Variants in SYDE2 observed in about 807,000 individuals in gnomAD.
SYDE2 encodes synapse defective Rho GTPase homolog 2.
In SYDE2, 76 loss-of-function variants were observed where a neutral mutation model predicts 91.5. The ratio of observed to expected loss-of-function variants is 0.83; its 90% CI spans 0.69 to 1.01. The LOEUF is 1.01. Ranked by LOEUF, SYDE2 falls within the 50% of genes least tolerant of loss-of-function variation. The pLI, the probability that SYDE2 is intolerant of heterozygous loss-of-function variation, is 0.00. For missense variants in SYDE2, 1,364 were observed against 1,367.7 expected, an observed-to-expected ratio of 1.00 and a Z score of 0.04; for synonymous variants, 513 against 506.4, an observed-to-expected ratio of 1.01 and a Z score of -0.18.
intron 1 of SYDE2, among the ~76,000 whole-genome samples, chr1:85,193,494 A>G (rs1658453156): frequency 6.6e-6 from 1 of 152,224 alleles, no homozygotes; most frequent in Non-Finnish European, 1.5e-5. Context: ...TACACTATAA[A>G]TGAGTCTTTG....
chr1:85,188,685 T>C (rs1362570760), intron 2 of SYDE2, among the ~76,000 whole-genome samples: 1 of 152,168 alleles, frequency 6.6e-6, no homozygotes, highest in Non-Finnish European at 1.5e-5. Flanking sequence ...AACTCAGAAT[T>C]ATTCTGCCCA....
chr1:85,183,143 G>A lies in SYDE2; in HGVS notation c.1499C>T (p.Ser500Phe). The A allele has an allele frequency of 6.2e-7, 1 of 1,606,234 alleles. No individual in the cohort carries two copies. The highest frequency in any genetic ancestry group is 8.5e-7 in the Non-Finnish European group (1 of 1,177,732). ...TTTTTTCACAGGGCTAGGATTTGGAGAAGATGGTTCCATAATTCCCAATTC... is the reference window on the plus strand; with the variant it reads ...TTTTTTCACAGGGCTAGGATTTGGAAAAGATGGTTCCATAATTCCCAATTC... ...STELGIMEPS[S>F]PNPSPVKKGS... Residue 500 changes from serine (S) to phenylalanine (F), a missense_variant, in exon 3 of 7, where the codon TCT (serine) becomes TTT (phenylalanine). Ser to Phe is a radical substitution (Grantham distance 155). Transcript: ENST00000341460.
rs78000272 is a variant in SYDE2 at position 85,200,435 on chromosome 1, C to T, written c.562G>A (p.Val188Ile). Reference protein sequence around the residue: ...PSFLRPPAVTVKKLQKWMYKG... With the variant: ...PSFLRPPAVTIKKLQKWMYKG... ...TACATCCACTTCTGCAGCTTCTTGA[C>T]TGTCACTGCCGGCGGCCTGAGGAAG... The change falls in exon 1 of 7, where the codon GTC (valine) becomes ATC (isoleucine). Residue 188 changes from valine (V) to isoleucine (I), a missense_variant. Transcript: ENST00000341460. The T allele has an allele frequency of 1.0e-3, 1,679 of 1,614,040 alleles. 35 individuals carry two copies. In the East Asian group the frequency reaches 0.034, roughly 33 times the overall value.
At position 85,182,781 on chromosome 1, in the gene SYDE2, G is replaced by C. The variant is rs780445913; in HGVS notation, c.1861C>G (p.Leu621Val). Reference sequence around the variant, plus strand: ...AGTTCAGGTGAGTCTCCATCACTAAGGTAACCACCTTTGCAGGAATACTTA... The same window carrying C: ...AGTTCAGGTGAGTCTCCATCACTAACGTAACCACCTTTGCAGGAATACTTA... ...SSKYSCKGGY[L>V]SDGDSPELTT... Residue 621 changes from leucine (L) to valine (V), a missense_variant, in exon 3 of 7, where the codon CTT becomes GTT. Physicochemically the swap from Leu to Val is conservative, Grantham distance 32. Coordinates refer to ENST00000341460, the MANE Select transcript of SYDE2 (RefSeq NM_032184.2). 4 of 1,613,884 alleles carry C rather than the reference G, an allele frequency of 2.5e-6. No homozygotes were observed. Among genetic ancestry groups the C allele is most frequent in the Non-Finnish European group, 2.5e-6 (3 of 1,179,852 alleles).
In SYDE2 at chr1:85,185,584, C is replaced by T. The variant is rs1251617167; in HGVS notation, c.1442-2384G>A. ...TGAGGCAATTGTGAATGGGAGTTCA[C>T]TCATGATTTGGCTGTTTGTCTGTTA... On this transcript the variant is annotated intron_variant, in intron 2 of 6. Transcript: ENST00000341460. Among the ~76,000 whole-genome samples the T allele has an allele frequency of 2.0e-5, 3 of 152,152 alleles. 1 individual carries two copies. Among genetic ancestry groups the T allele is most frequent in the Non-Finnish European group, 2.9e-5 (2 of 68,036 alleles).
chr1:85,197,011 A>G (rs1263840937), intron 1 of SYDE2, among the ~76,000 whole-genome samples: 1 of 152,334 alleles, frequency 6.6e-6, no homozygotes, highest in East Asian at 1.9e-4. Flanking sequence ...TATTTTTTAA[A>G]GCAATAAAAG....
Position 85,200,835 on chromosome 1 carries a change from G to T in SYDE2, c.162C>A (p.Arg54=), listed in dbSNP as rs1241826958. The T allele has an allele frequency of 1.0e-5, 14 of 1,396,456 alleles. No individual in the cohort carries two copies. The highest frequency in any genetic ancestry group is 3.1e-5 in the East Asian group (1 of 32,650). The allele number at this position is 1,396,456 out of a possible 1,614,324, so 86.5% of individuals were successfully genotyped here. Residue 54 remains arginine, a synonymous_variant, in exon 1 of 7, where the codon CGC becomes CGA. Transcript: ENST00000341460. The part of the protein sequence containing the change: ...PRDGERGGGG[R]PRQQVSPPRS... ...GGGGCGGGGACACCTGCTGCCGAGG[G>T]CGTCCGCCGCCTCCCCGCTCCCCGT... is the stretch of plus-strand genomic sequence containing the variant.
Position 85,175,174 on chromosome 1 carries a change from G to C in SYDE2, c.2671+2972C>G, listed in dbSNP as rs188109103. ...CTAAACAATAGATGACTTTTAAAAA[G>C]CCTTCTGTTCTTTGGTAATAAGCCC... On this transcript the variant is annotated intron_variant, in intron 4 of 6. Coordinates refer to ENST00000341460, the MANE Select transcript of SYDE2 (RefSeq NM_032184.2). Among the ~76,000 whole-genome samples, 692 of 152,264 alleles carry C rather than the reference G, an allele frequency of 4.5e-3. 1 individual carries two copies. Among genetic ancestry groups the C allele is most frequent in the Non-Finnish European group, 7.0e-3 (475 of 68,008 alleles).
In SYDE2 at chr1:85,160,981, A is replaced by C. The variant is rs1201799417; in HGVS notation, c.3086-1732T>G. ...TTATATCTTTTAGACTAAAAATTTC[A>C]ATTTCTGAAAAACCAACATCACTGA... On this transcript the variant is annotated intron_variant, in intron 6 of 6. Coordinates refer to ENST00000341460, the MANE Select transcript of SYDE2 (RefSeq NM_032184.2). 53 of 980,850 alleles carry C rather than the reference A, an allele frequency of 5.4e-5. No homozygotes were observed. In the Admixed American group the frequency reaches 3.2e-3, roughly 59 times the overall value. 60.8% of individuals were successfully genotyped at this position (980,850 alleles called of 1,614,324 possible). A position where few individuals can be genotyped will look rare whatever the true frequency, so the allele number is the denominator to read the frequency against.
At chr1:85,162,979 G>T (rs1423456109) in intron 6 of SYDE2, among the ~76,000 whole-genome samples, 5 of 152,030 alleles carry the variant, frequency 3.3e-5, no homozygotes, top group Admixed American at 3.3e-4. Flanking sequence ...ATTACCCTGA[G>T]AATCTTGATT....
chr1:85,173,209 CAGAG>C (rs1202051792), intron 4 of SYDE2, among the ~76,000 whole-genome samples: 5 of 151,956 alleles, frequency 3.3e-5, no homozygotes, highest in Admixed American at 6.6e-5. Context: ...ATGGGGGACA[CAGAG>C]AGAGAGCAGA....
In SYDE2 at chr1:85,182,853, T is replaced by G; in HGVS notation, c.1789A>C (p.Ser597Arg). ...NVISRYHLDT[S>R]VSSQQSYQKK... ...TGGTAGCTCTGCTGGGAGGATACAC[T>G]GGTATCAAGATGGTATCGGCTTATA... The change falls in exon 3 of 7, where the codon AGT becomes CGT. Residue 597 changes from serine to arginine, a missense_variant. Transcript: ENST00000341460. The G allele has an allele frequency of 1.2e-6, 2 of 1,613,810 alleles. No individual in the cohort carries two copies. Among genetic ancestry groups the G allele is most frequent in the Non-Finnish European group, 8.5e-7 (1 of 1,179,820 alleles).
At chr1:85,180,435 T>C (rs1055688054) in intron 3 of SYDE2, among the ~76,000 whole-genome samples, 1 of 152,074 alleles carries the variant, frequency 6.6e-6, no homozygotes. Flanking sequence ...CTCACACCTG[T>C]AATCCCAGCA....
At chr1:85,166,843 C>T (rs953149421) in intron 5 of SYDE2, among the ~76,000 whole-genome samples, 9 of 152,056 alleles carry the variant, frequency 5.9e-5, no homozygotes, top group African/African-American at 2.2e-4. Flanking sequence ...ATCTCAATAG[C>T]AAGCAAAGGA....
At chr1:85,163,112 T>C (rs1657120377) in intron 6 of SYDE2, among the ~76,000 whole-genome samples, 1 of 151,668 alleles carries the variant, frequency 6.6e-6, no homozygotes, top group South Asian at 2.1e-4. Context: ...AGTTGAATTT[T>C]TTTTTTTTTT....
chr1:85,159,067 C>T lies in SYDE2; in HGVS notation c.3268G>A (p.Gly1090Arg). ...TTTTCCCCACAGCTGCTCCAGTCTC[C>T]TGCATAACGATTGCTAAGTGGACTG... The part of the protein sequence containing the change: ...LDSPLSNRYA[G>R]DWSSCGENYF... Residue 1090 changes from glycine (G) to arginine (R), a missense_variant, in exon 7 of 7, where the codon GGA (glycine) becomes AGA (arginine). By Grantham distance (125) the Gly-to-Arg change is moderately radical. Coordinates refer to ENST00000341460, the MANE Select transcript of SYDE2 (RefSeq NM_032184.2). 1.3e-6 allele frequency: 1 copy of T among 780,866 alleles called. No individual in the cohort carries two copies. The highest frequency in any genetic ancestry group is 2.4e-6 in the Non-Finnish European group (1 of 417,976). 48.4% of individuals were successfully genotyped at this position (780,866 alleles called of 1,614,324 possible).
At chr1:85,182,035 C>G in intron 3 of SYDE2, 63 bp downstream of exon 3, 4 of 1,447,552 alleles carry the variant, frequency 2.8e-6, no homozygotes, top group Non-Finnish European at 3.7e-6. Flanking sequence ...GAATTTCTTC[C>G]CCCAAGACTT....
chr1:85,178,580 G>A (rs749060389), intron 3 of SYDE2, among the ~76,000 whole-genome samples: 8 of 152,048 alleles, frequency 5.3e-5, no homozygotes, highest in Non-Finnish European at 1.2e-4. Context: ...CCAGGAATGT[G>A]CGCCCTTTCA....
Position 85,200,571 on chromosome 1 carries a change from G to T in SYDE2, c.426C>A (p.Leu142=). 1 of 1,598,916 alleles carries T rather than the reference G, an allele frequency of 6.3e-7. No homozygotes were observed. The highest frequency in any genetic ancestry group is 8.5e-7 in the Non-Finnish European group (1 of 1,174,830). Residue 142 remains leucine, a synonymous_variant, in exon 1 of 7, where the codon CTC becomes CTA. Transcript: ENST00000341460. ...DRARAAAPTG[L]QPPGCKDHGC... is the part of the protein sequence containing the mutation. Reference sequence around the variant, plus strand: ...CGTGGTCCTTGCAGCCTGGAGGCTGGAGGCCGGTGGGTGCAGCCGCCCGGG... The same window carrying T: ...CGTGGTCCTTGCAGCCTGGAGGCTGTAGGCCGGTGGGTGCAGCCGCCCGGG...
Sources: gnomAD v4.1 joint callset for allele counts (sites outside exome capture counted in the v4.1 genomes callset) on GRCh38, gnomAD v4.1.1 for gene constraint, MANE v1.5 for transcripts, NCBI Gene and HGNC (gene_info 2026-07-23, HGNC 2026-07-21) for gene names.